PHF8: variants seen among roughly 807,000 people sequenced by gnomAD.
PHF8 encodes PHD finger protein 8, also known as histone lysine demethylase PHF8.
PHF8 carries 9 observed loss-of-function variants against 74.4 expected under a neutral mutation model. The observed-to-expected ratio is 0.12, with a 90% CI of 0.07 to 0.21. The LOEUF (loss-of-function observed/expected upper bound fraction) is 0.21. Ranked by LOEUF, PHF8 falls within the 10% of genes least tolerant of loss-of-function variation. The pLI, the probability that PHF8 is intolerant of heterozygous loss-of-function variation, is 1.00. For missense variants in PHF8, 478 were observed against 816.6 expected (o/e 0.59, Z 5.05); for synonymous variants, 311 against 316.6 (o/e 0.98, Z 0.19).
chrX:54,022,475 A>G, intron 3 of PHF8, 108 bp from the exon 4 acceptor site: 1 of 581,021 alleles, frequency 1.7e-6, no homozygotes, highest in Non-Finnish European at 3.0e-6. Context: ...CACCCCTTGG[A>G]GCATCTGGAG....
intron 18 of PHF8, among the ~76,000 whole-genome samples, chrX:53,974,926 G>A (rs1157018116): frequency 1.8e-5 from 2 of 111,681 alleles, no homozygotes; most frequent in African/African-American, 6.5e-5. Flanking sequence ...TGGGGAAGGA[G>A]AGTACAAGGA....
At chrX:53,946,385 A>G (rs999017316) in intron 19 of PHF8, among the ~76,000 whole-genome samples, 21 of 112,740 alleles carry the variant, frequency 1.9e-4, no homozygotes, top group African/African-American at 6.1e-4. Flanking sequence ...GTTTTGTTGA[A>G]GAGCTAAAAT....
chrX:54,020,015 G>A (rs1212244897), intron 4 of PHF8, among the ~76,000 whole-genome samples: 6 of 108,846 alleles, frequency 5.5e-5, no homozygotes, highest in Non-Finnish European at 1.1e-4. Flanking sequence ...TAAAAACCCC[G>A]TCTCTACTAA....
chrX:53,957,448 G>A (rs1242999900), intron 19 of PHF8, among the ~76,000 whole-genome samples: 1 of 110,392 alleles, frequency 9.1e-6, no homozygotes, highest in Non-Finnish European at 1.9e-5. Context: ...TTGAACCCGG[G>A]AGGCAGAGGT....
At chrX:54,005,066 A>G (rs1313952474) in intron 8 of PHF8, among the ~76,000 whole-genome samples, 2 of 112,013 alleles carry the variant, frequency 1.8e-5, no homozygotes, top group African/African-American at 6.5e-5. Context: ...GAGAAAAAAG[A>G]CACAGAAAAA....
rs1212021428 is a variant in PHF8 at position 54,042,275 on chromosome X, T to G, written c.98+356A>C. ...GAGATCGCGCCATTGCACTCCAGCC[T>G]GGGCAACGAGCGAAACTCCGTCTCG... On this transcript the variant is annotated intron_variant, in intron 2 of 21. Transcript: ENST00000338154. Among the ~76,000 whole-genome samples the G allele has an allele frequency of 5.8e-5, 6 of 103,195 alleles. No homozygotes were observed. In the East Asian group the frequency reaches 1.8e-3, roughly 31 times the overall value. The allele number at this position is 103,195 out of a possible 115,157, so 89.6% of individuals were successfully genotyped here.
chrX:54,026,753 C>T (rs782320006), intron 2 of PHF8, among the ~76,000 whole-genome samples: 3 of 110,380 alleles, frequency 2.7e-5, no homozygotes, highest in Middle Eastern at 4.7e-3. Context: ...CACACCACCA[C>T]GCCCACCTAA....
chrX:54,040,307 C>A (rs781934590), intron 2 of PHF8, among the ~76,000 whole-genome samples: 2 of 110,898 alleles, frequency 1.8e-5, no homozygotes, highest in Non-Finnish European at 3.8e-5. Context: ...GGGCCCCAGG[C>A]AACAGCTTTT....
At chrX:53,939,377 T>C (rs782752739) in intron 21 of PHF8, 131 bp from the exon 22 acceptor site, 2 of 502,765 alleles carry the variant, frequency 4.0e-6, no homozygotes, top group African/African-American at 2.3e-5. Context: ...TTAGACCATA[T>C]TGGGCAGGAA....
chrX:53,953,068 G>A (rs2064953370), intron 19 of PHF8, among the ~76,000 whole-genome samples: 1 of 108,456 alleles, frequency 9.2e-6, no homozygotes, highest in East Asian at 2.9e-4. Flanking sequence ...GAGGTCAGGA[G>A]TTTGAGACCA....
In PHF8 at chrX:53,938,136, A is replaced by C. The variant is rs1286388743; in HGVS notation, c.*1022T>G. The C allele has an allele frequency of 1.8e-6, 2 of 1,134,048 alleles. No homozygotes were observed. Among genetic ancestry groups the C allele is most frequent in the East Asian group, 3.3e-5 (1 of 30,187 alleles). The allele number at this position is 1,134,048 out of a possible 1,213,427, so 93.5% of individuals were successfully genotyped here. A position where few individuals can be genotyped will look rare whatever the true frequency, so the allele number is the denominator to read the frequency against. On this transcript the variant is annotated 3_prime_UTR_variant, in exon 22 of 22. Coordinates refer to ENST00000338154, the MANE Select transcript of PHF8 (RefSeq NM_015107.3). ...AGACCAAGACCTCAGGTGGAGAAAG[A>C]AGCATGAAAAGTTCCCGATGGAGGA...
At chrX:53,941,558 CT>C (rs1271374392) in intron 20 of PHF8, among the ~76,000 whole-genome samples, 3 of 111,697 alleles carry the variant, frequency 2.7e-5, no homozygotes, top group African/African-American at 9.8e-5. Flanking sequence ...AAAGGTGGTG[CT>C]GAGAGCATGT....
At chrX:53,946,528 A>G (rs781990780) in intron 19 of PHF8, among the ~76,000 whole-genome samples, 84 of 112,352 alleles carry the variant, frequency 7.5e-4, no homozygotes, top group Non-Finnish European at 1.4e-3. Context: ...TGTCACAAGT[A>G]AGCAAACAGA....
intron 19 of PHF8, among the ~76,000 whole-genome samples, chrX:53,954,686 CTT>C (rs2064988448): frequency 9.5e-6 from 1 of 105,037 alleles, no homozygotes; most frequent in African/African-American, 3.5e-5. Context: ...GTAATAACCT[CTT>C]GAATTTTATC....
At chrX:54,031,004 C>T (rs782385697) in intron 2 of PHF8, among the ~76,000 whole-genome samples, 2 of 112,102 alleles carry the variant, frequency 1.8e-5, no homozygotes, top group African/African-American at 6.5e-5. Context: ...TCATCATCAT[C>T]GTTAATATTA....
intron 9 of PHF8, 55 bp from the exon 10 acceptor site, chrX:54,002,316 C>T: frequency 1.3e-6 from 1 of 753,575 alleles, no homozygotes; most frequent in East Asian, 3.2e-5. Flanking sequence ...TGAGCACCTA[C>T]TATGAATCAG....
intron 7 of PHF8, among the ~76,000 whole-genome samples, chrX:54,011,862 C>CAAAAAAAAAAAAAAAAAAAA (rs11397654): frequency 2.5e-5 from 1 of 40,064 alleles, no homozygotes; most frequent in African/African-American, 7.4e-5. Flanking sequence ...GATAATTTGG[C>CAAAAAAAAAAAAAAAAAAAA]AAAAAAAAAA....
chrX:54,015,709 A>G (rs1557107953), intron 6 of PHF8, among the ~76,000 whole-genome samples: 1 of 110,878 alleles, frequency 9.0e-6, no homozygotes, highest in Admixed American at 9.7e-5. Flanking sequence ...GCAACTTCCT[A>G]TCAATCTACA....
At chrX:53,941,339 C>T (rs2064748443) in intron 20 of PHF8, among the ~76,000 whole-genome samples, 1 of 112,384 alleles carries the variant, frequency 8.9e-6, no homozygotes, top group Non-Finnish European at 1.9e-5. Context: ...TTCACTTCCT[C>T]TTGCTGGTCT....
Sources: gnomAD v4.1 joint callset for allele counts (sites outside exome capture counted in the v4.1 genomes callset) on GRCh38, gnomAD v4.1.1 for gene constraint, MANE v1.5 for transcripts, NCBI Gene and HGNC (gene_info 2026-07-23, HGNC 2026-07-21) for gene names.